NSFL1C: variants seen among roughly 807,000 people sequenced by gnomAD.
NSFL1C encodes NSFL1 cofactor.
NSFL1C carries 14 observed loss-of-function variants against 43.1 expected under a neutral mutation model. The observed-to-expected ratio is 0.32, with a 90% CI of 0.21 to 0.51. NSFL1C has a LOEUF of 0.51. Ranked by LOEUF, NSFL1C falls within the 20% of genes least tolerant of loss-of-function variation. The pLI, the probability that NSFL1C is intolerant of heterozygous loss-of-function variation, is 0.98. For synonymous variants in NSFL1C, 171 were observed against 183.5 expected (o/e 0.93, Z 0.55); for missense variants, 406 against 472.5 (o/e 0.86, Z 1.30).
rs1304405119 is a variant in NSFL1C, at chr20:1,455,054, C to T, written c.357G>A (p.Val119=). The change falls in exon 4 of 9, where the codon GTG becomes GTA. Residue 119 remains valine (V), a synonymous_variant. Coordinates refer to ENST00000216879, the MANE Select transcript of NSFL1C (RefSeq NM_016143.5). The part of the protein sequence containing the change: ...PPRKKSPNEL[V]DDLFKGAKEH... ...CTTTGGCACCTTTAAAGAGATCATC[C>T]ACCAGCTCGTTGGGACTTTTCTTCC... The T allele has an allele frequency of 4.3e-6, 7 of 1,614,128 alleles. No individual in the cohort carries two copies. The highest frequency in any genetic ancestry group is 5.1e-6 in the Non-Finnish European group (6 of 1,180,010).
At position 1,452,346 on chromosome 20, in the gene NSFL1C, C is replaced by G. The variant is rs1357978708; in HGVS notation, c.785+147G>C. 2.7e-6 allele frequency: 3 copies of G among 1,099,358 alleles called. No individual in the cohort carries two copies. The African/African-American group carries it at 4.7e-5, about 17-fold the overall frequency. 68.1% of individuals were successfully genotyped at this position (1,099,358 alleles called of 1,614,324 possible). On this transcript the variant is annotated intron_variant, in intron 7 of 8. Coordinates refer to ENST00000216879, the MANE Select transcript of NSFL1C (RefSeq NM_016143.5). Reference sequence around the variant, plus strand: ...AGGTCTGTTAACTCCAGTCCATGTTCTCCACACTCTTCCTCCCATACAAAT... The same window carrying G: ...AGGTCTGTTAACTCCAGTCCATGTTGTCCACACTCTTCCTCCCATACAAAT...
At chr20:1,453,004 G>T in intron 6 of NSFL1C, 27 bp downstream of exon 6, 1 of 1,226,982 alleles carries the variant, frequency 8.2e-7, no homozygotes, top group Non-Finnish European at 1.2e-6. Flanking sequence ...ACTGATTTGG[G>T]ACCTACAGGA....
intron 2 of NSFL1C, among the ~76,000 whole-genome samples, chr20:1,459,274 C>G (rs1431401573): frequency 6.6e-6 from 1 of 152,134 alleles, no homozygotes; most frequent in African/African-American, 2.4e-5. Context: ...AGTGAGTGAG[C>G]TCTCACAAGA....
intron 2 of NSFL1C, among the ~76,000 whole-genome samples, chr20:1,460,883 G>A (rs1426134259): frequency 6.6e-6 from 1 of 152,138 alleles, no homozygotes; most frequent in Non-Finnish European, 1.5e-5. Context: ...TGAAAGAGGG[G>A]AAAAAAGGAA....
rs2089986024 is a variant in NSFL1C, at chr20:1,443,202, G to A, written c.*547C>T. ...CACCTTCTGAAGACACTGTGTGCAT[G>A]GAGCTCTGACTTCCCACTTCAGGGA... On this transcript the variant is annotated 3_prime_UTR_variant, in exon 9 of 9. Transcript: ENST00000216879. The A allele has an allele frequency of 1.3e-5, 2 of 153,260 alleles. No individual in the cohort carries two copies. Among genetic ancestry groups the A allele is most frequent in the Admixed American group, 1.3e-4 (2 of 15,422 alleles). The allele number at this position is 153,260 out of a possible 1,614,324, so 9.5% of individuals were successfully genotyped here.
intron 7 of NSFL1C, among the ~76,000 whole-genome samples, chr20:1,447,367 C>T (rs2090080957): frequency 6.6e-6 from 1 of 152,166 alleles, no homozygotes; most frequent in African/African-American, 2.4e-5. Flanking sequence ...GTATGCGACC[C>T]AGGACAGTTT....
intron 2 of NSFL1C, chr20:1,463,221 C>T (rs748474045): frequency 6.6e-5 from 10 of 152,080 alleles, no homozygotes; most frequent in Non-Finnish European, 1.3e-4. Context: ...TAAATCTCTC[C>T]CCCTCTATAA....
intron 2 of NSFL1C, among the ~76,000 whole-genome samples, chr20:1,460,879 A>G (rs2090395902): frequency 6.6e-6 from 1 of 152,220 alleles, no homozygotes; most frequent in African/African-American, 2.4e-5. Flanking sequence ...TGGATGAAAG[A>G]GGGGAAAAAA....
chr20:1,445,602 C>T, intron 8 of NSFL1C, 64 bp downstream of exon 8: 1 of 1,563,432 alleles, frequency 6.4e-7, no homozygotes, highest in Non-Finnish European at 8.7e-7. Context: ...CTCTGCTTCC[C>T]ACACATTTGC....
intron 2 of NSFL1C, 65 bp from the exon 3 acceptor site, chr20:1,458,339 G>T: frequency 7.4e-7 from 1 of 1,352,924 alleles, no homozygotes; most frequent in South Asian, 1.2e-5. Context: ...CTCATCACCA[G>T]CTGCTAAGGA....
At position 1,443,600 on chromosome 20, in the gene NSFL1C, C is replaced by A. The variant is rs1203576899; in HGVS notation, c.*149G>T. 2 of 663,602 alleles carry A rather than the reference C, an allele frequency of 3.0e-6. No homozygotes were observed. The highest frequency in any genetic ancestry group is 3.6e-5 in the African/African-American group (2 of 55,436). 41.1% of individuals were successfully genotyped at this position (663,602 alleles called of 1,614,324 possible). On this transcript the variant is annotated 3_prime_UTR_variant, in exon 9 of 9. Transcript: ENST00000216879. ...ATGCAACTAAGGAGAAAACAAACGT[C>A]CAACCAAGATCTAAGAACCCAGAGC...
chr20:1,445,271 G>A (rs1684449405), intron 8 of NSFL1C, among the ~76,000 whole-genome samples: 2 of 152,272 alleles, frequency 1.3e-5, no homozygotes, highest in South Asian at 4.1e-4. Context: ...GGGAGGTGGA[G>A]GAAGCCAGGT....
chr20:1,445,925 C>CCAGGCGCATTGCAAAT, intron 7 of NSFL1C, 95 bp from the exon 8 acceptor site: 1 of 1,331,130 alleles, frequency 7.5e-7, no homozygotes, highest in Non-Finnish European at 1.0e-6. Context: ...ATTTGCAATG[C>CCAGGCGCATTGCAAAT]GCCTGGCATT....
Position 1,464,511 on chromosome 20 carries a change from A to G in NSFL1C, c.106-85T>C, listed in dbSNP as rs1257233144. 4.6e-6 allele frequency: 5 copies of G among 1,085,042 alleles called. No homozygotes were observed. In the Admixed American group the frequency reaches 5.4e-5, roughly 12 times the overall value. The allele number at this position is 1,085,042 out of a possible 1,614,324, so 67.2% of individuals were successfully genotyped here. A position where few individuals can be genotyped will look rare whatever the true frequency, so the allele number is the denominator to read the frequency against. Reference sequence around the variant, plus strand: ...CCTTTGAGCACAAAGGAATACAGACATGGCCAACACTTACAAGGTAGCTTG... The same window carrying G: ...CCTTTGAGCACAAAGGAATACAGACGTGGCCAACACTTACAAGGTAGCTTG... On this transcript the variant is annotated intron_variant, in intron 1 of 8. Transcript: ENST00000216879.
At chr20:1,447,150 C>T (rs1459313593) in intron 7 of NSFL1C, among the ~76,000 whole-genome samples, 1 of 152,142 alleles carries the variant, frequency 6.6e-6, no homozygotes, top group Non-Finnish European at 1.5e-5. Context: ...AGAATGTCAC[C>T]CACATTACTA....
chr20:1,452,461 A>G, intron 7 of NSFL1C, 32 bp downstream of exon 7: 1 of 1,608,702 alleles, frequency 6.2e-7, no homozygotes, highest in African/African-American at 1.4e-5. Flanking sequence ...TGTGATTGAC[A>G]GAGTCTGGCT....
chr20:1,463,242 C>G lies in NSFL1C; in HGVS notation c.203+1087G>C, dbSNP rs1385130243. 3.3e-5 allele frequency: 5 copies of G among 152,186 alleles called. No individual in the cohort carries two copies. In the East Asian group the frequency reaches 5.8e-4, roughly 18 times the overall value. 9.4% of individuals were successfully genotyped at this position (152,186 alleles called of 1,614,324 possible). On this transcript the variant is annotated intron_variant, in intron 2 of 8. Coordinates refer to ENST00000216879, the MANE Select transcript of NSFL1C (RefSeq NM_016143.5). Reference sequence around the variant, plus strand: ...TCTCCCCCTCTATAATTCTGACATGCCAACATCCCAACAACACCCTAAGGT... The same window carrying G: ...TCTCCCCCTCTATAATTCTGACATGGCAACATCCCAACAACACCCTAAGGT...
intron 2 of NSFL1C, among the ~76,000 whole-genome samples, chr20:1,460,230 C>T (rs992712862): frequency 1.3e-5 from 2 of 152,194 alleles, no homozygotes; most frequent in African/African-American, 4.8e-5. Flanking sequence ...CATTTAAGTA[C>T]TACTCTTGAG....
At chr20:1,447,877 G>T (rs1040265685) in intron 7 of NSFL1C, among the ~76,000 whole-genome samples, 2 of 152,138 alleles carry the variant, frequency 1.3e-5, no homozygotes, top group African/African-American at 4.8e-5. Flanking sequence ...ACCATCCTCT[G>T]AGAGGGGTGT....
Sources: allele counts gnomAD v4.1 joint callset (sites outside exome capture counted in the v4.1 genomes callset), GRCh38; gene constraint gnomAD v4.1.1; transcripts MANE v1.5; gene names NCBI Gene and HGNC (gene_info 2026-07-23, HGNC 2026-07-21).